The following GALNT15 variants were observed in gnomAD, a reference collection of about 807,000 sequenced individuals.
The protein encoded by GALNT15 is polypeptide N-acetylgalactosaminyltransferase 15, also known as UDP-GalNAc transferase T15.
A neutral mutation model predicts 66.8 loss-of-function variants in GALNT15; 67 were observed. That is an observed-to-expected ratio of 1.00 (90% CI 0.82 to 1.23). The LOEUF is 1.23. GALNT15 is among the 50% of genes most tolerant of loss of function. The pLI is 0.00. For synonymous variants in GALNT15, 313 were observed against 311.5 expected, an observed-to-expected ratio of 1.00 and a Z score of -0.05; for missense variants, 827 against 804.3, an observed-to-expected ratio of 1.03 and a Z score of -0.34.
rs1452043847 is a variant in GALNT15 at position 16,204,921 on chromosome 3, C to T, written c.912-3582C>T. On this transcript the variant is annotated intron_variant, in intron 3 of 9. Coordinates refer to ENST00000339732, the MANE Select transcript of GALNT15 (RefSeq NM_054110.5). This position sits in a 1 kb window ranked among gnomAD's most constrained non-coding sequence, Gnocchi z 4.5. Reference sequence around the variant, plus strand: ...TGTGTGTGTGTAAGCATGTGAGAGTCTGAGTGTGGGGGGGAGCGAGCATGT... The same window carrying T: ...TGTGTGTGTGTAAGCATGTGAGAGTTTGAGTGTGGGGGGGAGCGAGCATGT... Among the ~76,000 whole-genome samples the T allele has an allele frequency of 6.6e-6, 1 of 152,136 alleles. No homozygotes were observed. Among genetic ancestry groups the T allele is most frequent in the East Asian group, 1.9e-4 (1 of 5,178 alleles).
intron 3 of GALNT15, among the ~76,000 whole-genome samples, chr3:16,202,529 A>C (rs2063714577): frequency 6.6e-6 from 1 of 152,240 alleles, no homozygotes; most frequent in African/African-American, 2.4e-5. Flanking sequence ...GCTACTCGGG[A>C]GGCTGAGGTG....
At position 16,212,734 on chromosome 3, in the gene GALNT15, C is replaced by T. The variant is rs1415535012; in HGVS notation, c.1363C>T (p.His455Tyr). Reference sequence around the variant, plus strand: ...GTCATTCAAAGAAACCTTCTACAAGCATAGCCCAGAGGCCTTCTCCTTGAG... The same window carrying T: ...GTCATTCAAAGAAACCTTCTACAAGTATAGCCCAGAGGCCTTCTCCTTGAG... ...LGSFKETFYK[H>Y]SPEAFSLSKA... The change falls in exon 6 of 10, where the codon CAT becomes TAT. Residue 455 changes from histidine to tyrosine, a missense_variant. His to Tyr is a moderately conservative substitution (Grantham distance 83). Coordinates refer to ENST00000339732, the MANE Select transcript of GALNT15 (RefSeq NM_054110.5). The T allele has an allele frequency of 1.2e-6, 2 of 1,613,578 alleles. No individual in the cohort carries two copies. Among genetic ancestry groups the T allele is most frequent in the Non-Finnish European group, 1.7e-6 (2 of 1,180,036 alleles).
At chr3:16,220,772 G>A (rs1330673732) in intron 8 of GALNT15, among the ~76,000 whole-genome samples, 6 of 152,368 alleles carry the variant, frequency 3.9e-5, no homozygotes, top group Non-Finnish European at 2.9e-5. Flanking sequence ...CTCTCTGAGG[G>A]TCTGTGGTCC....
chr3:16,247,419 A>G, the GALNT15 span, among the ~76,000 whole-genome samples: 3 of 152,364 alleles, frequency 2.0e-5, no homozygotes, highest in East Asian at 5.8e-4. Flanking sequence ...AAATCCAGGA[A>G]CGTCAGATCA....
chr3:16,212,330 G>A (rs545599710), intron 5 of GALNT15, among the ~76,000 whole-genome samples: 18 of 152,114 alleles, frequency 1.2e-4, no homozygotes, highest in Non-Finnish European at 2.1e-4. Context: ...GTTGCCTGGG[G>A]ATGGCCCTCT....
intron 4 of GALNT15, among the ~76,000 whole-genome samples, chr3:16,210,464 C>G (rs1275415066): frequency 6.6e-6 from 1 of 152,194 alleles, no homozygotes; most frequent in Non-Finnish European, 1.5e-5. Flanking sequence ...TGGCTGCATT[C>G]AAATTTGTTC....
At position 16,225,416 on chromosome 3, in the gene GALNT15, G is replaced by C. The variant is rs1166440803; in HGVS notation, c.1774-1938G>C. On this transcript the variant is annotated intron_variant, in intron 9 of 9. Transcript: ENST00000339732. This position sits in a 1 kb window ranked among gnomAD's most constrained non-coding sequence, Gnocchi z 4.4. ...TTATCACAATTTTTTTAAAAAAGAG[G>C]CCAGGCTCAATGGCTCACGCCTGTA... Among the ~76,000 whole-genome samples, 1 of 152,204 alleles carries C rather than the reference G, an allele frequency of 6.6e-6. No homozygotes were observed. The highest frequency in any genetic ancestry group is 2.4e-5 in the African/African-American group (1 of 41,456).
Position 16,187,036 on chromosome 3 carries a change from C to T in GALNT15, c.540-8724C>T, listed in dbSNP as rs938824469. ...ATCCCAGCACTTTGGGAGGCCGAGG[C>T]GGGTGGATCATGAGGTCAGGAGTTC... On this transcript the variant is annotated intron_variant, in intron 1 of 9. Coordinates refer to ENST00000339732, the MANE Select transcript of GALNT15 (RefSeq NM_054110.5). This position sits in a 1 kb window ranked among gnomAD's most constrained non-coding sequence, Gnocchi z 5.1. 3.3e-5 allele frequency among the ~76,000 whole-genome samples: 5 copies of T among 152,002 alleles called. No individual in the cohort carries two copies. The highest frequency in any genetic ancestry group is 4.8e-5 in the African/African-American group (2 of 41,404).
At chr3:16,240,850 CAAG>C in the GALNT15 span, among the ~76,000 whole-genome samples, 1 of 152,186 alleles carries the variant, frequency 6.6e-6, no homozygotes, top group Non-Finnish European at 1.5e-5. Flanking sequence ...AGCCTGACTA[CAAG>C]TTCCTCCCTG....
downstream of GALNT15, among the ~76,000 whole-genome samples, chr3:16,233,087 A>G (rs1575005291): frequency 1.5e-5 from 1 of 68,358 alleles, no homozygotes; most frequent in East Asian, 3.2e-4. Context: ...CTTACAGGAT[A>G]ATGCATCTTT....
In GALNT15 at chr3:16,201,268, G is replaced by A. The variant is rs867961085; in HGVS notation, c.911+445G>A. Among the ~76,000 whole-genome samples the A allele has an allele frequency of 5.3e-5, 8 of 151,994 alleles. No homozygotes were observed. In the East Asian group the frequency reaches 7.7e-4, roughly 15 times the overall value. On this transcript the variant is annotated intron_variant, in intron 3 of 9. Transcript: ENST00000339732. ...GCGATCTCGGCTCACTGCAAGCTGCGCCTCCCGGGTTCACGCCATTCTCCT... is the reference window on the plus strand; with the variant it reads ...GCGATCTCGGCTCACTGCAAGCTGCACCTCCCGGGTTCACGCCATTCTCCT...
chr3:16,197,127 G>T (rs2063647142), intron 2 of GALNT15, among the ~76,000 whole-genome samples: 1 of 152,230 alleles, frequency 6.6e-6, no homozygotes, highest in Non-Finnish European at 1.5e-5. Context: ...GTGGGGCGGG[G>T]TCCGCCCAAG....
downstream of GALNT15, among the ~76,000 whole-genome samples, chr3:16,234,408 A>G (rs192707333): frequency 3.5e-4 from 53 of 152,304 alleles, no homozygotes; most frequent in Admixed American, 1.4e-3. Context: ...CACATTCCCC[A>G]GAAGCAGTCC....
At chr3:16,185,744 CAGACAGATAGAT>C (rs1016001932) in intron 1 of GALNT15, among the ~76,000 whole-genome samples, 22 of 124,830 alleles carry the variant, frequency 1.8e-4, no homozygotes, top group African/African-American at 7.5e-4. Flanking sequence ...TGGTGATAGA[CAGACAGATAGAT>C]AGATAGATAG....
downstream of GALNT15, among the ~76,000 whole-genome samples, chr3:16,232,517 T>TAAAA (rs1230668088): frequency 5.7e-5 from 4 of 70,354 alleles, no homozygotes; most frequent in African/African-American, 2.7e-4. Context: ...TATATTTATT[T>TAAAA]AAAAGAGACA....
chr3:16,206,619 A>G (rs1203475564), intron 3 of GALNT15, among the ~76,000 whole-genome samples: 1 of 146,090 alleles, frequency 6.8e-6, no homozygotes, highest in Non-Finnish European at 1.5e-5. Flanking sequence ...CTTGCAGTGA[A>G]CCGAGATCAC....
rs541473326 is a variant in GALNT15, at chr3:16,225,941, C to T, written c.1774-1413C>T. On this transcript the variant is annotated intron_variant, in intron 9 of 9. Coordinates refer to ENST00000339732, the MANE Select transcript of GALNT15 (RefSeq NM_054110.5). This position sits in a 1 kb window ranked among gnomAD's most constrained non-coding sequence, Gnocchi z 4.4. ...TCACATGCCTGTAATCCCAGCTACA[C>T]GGGAGGCTGCAGTAGGAGAATCGCT... Among the ~76,000 whole-genome samples the T allele has an allele frequency of 8.1e-4, 123 of 151,160 alleles. No homozygotes were observed. Among genetic ancestry groups the T allele is most frequent in the African/African-American group, 2.8e-3 (114 of 41,110 alleles).
chr3:16,228,702 A>G lies in GALNT15; in HGVS notation c.*1202A>G. 1.0e-6 allele frequency: 1 copy of G among 985,080 alleles called. No individual in the cohort carries two copies. Among genetic ancestry groups the G allele is most frequent in the South Asian group, 4.7e-5 (1 of 21,256 alleles). The allele number at this position is 985,080 out of a possible 1,614,324, so 61.0% of individuals were successfully genotyped here. A position where few individuals can be genotyped will look rare whatever the true frequency, so the allele number is the denominator to read the frequency against. ...CTGTTACAGGGTTTGCACTGACTGGAGCAGAAACAGCAACCTTTCTAAAAA... is the reference window on the plus strand; with the variant it reads ...CTGTTACAGGGTTTGCACTGACTGGGGCAGAAACAGCAACCTTTCTAAAAA... On this transcript the variant is annotated 3_prime_UTR_variant, in exon 10 of 10. Transcript: ENST00000339732.
At chr3:16,218,672 G>T (rs150176942) in intron 6 of GALNT15, among the ~76,000 whole-genome samples, 16 of 152,194 alleles carry the variant, frequency 1.1e-4, no homozygotes, top group African/African-American at 3.9e-4. Flanking sequence ...CATCTCAATT[G>T]CCTATGGGTC....
Sources: gnomAD v4.1 joint callset for allele counts (sites outside exome capture counted in the v4.1 genomes callset) on GRCh38, gnomAD v4.1.1 for gene constraint, Gnocchi (gnomAD v3.1) non-coding constraint, MANE v1.5 for transcripts, NCBI Gene and HGNC (gene_info 2026-07-23, HGNC 2026-07-21) for gene names.